The following HPSE2 variants were observed in gnomAD, a reference collection of about 807,000 sequenced individuals.
HPSE2 encodes inactive heparanase-2.
Under a neutral mutation model 60.5 loss-of-function variants are expected in HPSE2, and 38 were observed. That is an observed-to-expected ratio of 0.63 (90% confidence interval 0.48 to 0.82). The LOEUF (loss-of-function observed/expected upper bound fraction) is 0.82. Among genes scored for constraint, HPSE2 ranks in the 40% least tolerant of loss-of-function variants. The probability of loss-of-function intolerance (pLI) is 0.00; values close to 1 mark genes in which losing one functional copy is unlikely to be tolerated. For synonymous variants in HPSE2, 295 were observed against 293.2 expected (o/e 1.01, Z -0.06); for missense variants, 713 against 740.4 (o/e 0.96, Z 0.43).
chr10:98,901,828 T>C (rs932847391), intron 3 of HPSE2, among the ~76,000 whole-genome samples: 23 of 152,184 alleles, frequency 1.5e-4, no homozygotes, highest in African/African-American at 5.3e-4. Context: ...TAAATATTCA[T>C]AATAATAGCA....
chr10:98,582,120 C>T (rs1172175055), intron 9 of HPSE2, among the ~76,000 whole-genome samples: 1 of 152,142 alleles, frequency 6.6e-6, no homozygotes, highest in East Asian at 1.9e-4. Flanking sequence ...ATGATAGCAT[C>T]GTGATCTTAA....
At chr10:98,716,974 A>G (rs957232315) in intron 5 of HPSE2, among the ~76,000 whole-genome samples, 1 of 151,990 alleles carries the variant, frequency 6.6e-6, no homozygotes, top group African/African-American at 2.4e-5. Context: ...AGAGTTTCAG[A>G]TTTCCAAGAG....
intron 3 of HPSE2, among the ~76,000 whole-genome samples, chr10:98,842,028 G>C (rs1378301540): frequency 1.3e-5 from 2 of 152,018 alleles, no homozygotes; most frequent in Admixed American, 1.3e-4. Flanking sequence ...GGATGGTCTC[G>C]ATCTCCTGAC....
At chr10:98,874,600 A>C (rs1952822772) in intron 3 of HPSE2, among the ~76,000 whole-genome samples, 1 of 151,846 alleles carries the variant, frequency 6.6e-6, no homozygotes, top group African/African-American at 2.4e-5. Context: ...AATACTCTTT[A>C]TTTCTTTCTT....
intron 2 of HPSE2, among the ~76,000 whole-genome samples, chr10:99,171,641 C>T (rs1300042195): frequency 6.6e-6 from 1 of 152,126 alleles, no homozygotes; most frequent in Admixed American, 6.5e-5. Context: ...CATATTTGAC[C>T]ATTGAGCAGT....
chr10:98,759,662 T>TA (rs1162734068), intron 3 of HPSE2, among the ~76,000 whole-genome samples: 1 of 152,150 alleles, frequency 6.6e-6, no homozygotes, highest in Non-Finnish European at 1.5e-5. Context: ...TGTCTATTTT[T>TA]ATGCCAGAAC....
chr10:99,289,491 G>A, the HPSE2 span, among the ~76,000 whole-genome samples: 105 of 152,082 alleles, frequency 6.9e-4, no homozygotes, highest in African/African-American at 2.3e-3. Flanking sequence ...TTAGAATGCA[G>A]TTTATATTAT....
chr10:99,059,760 T>A (rs1037321774), intron 3 of HPSE2, among the ~76,000 whole-genome samples: 1 of 152,158 alleles, frequency 6.6e-6, no homozygotes, highest in African/African-American at 2.4e-5. Context: ...CAAATATTTT[T>A]AACAGTTCTC....
rs541050922 is a variant in HPSE2 at position 98,737,980 on chromosome 10, A to G, written c.784+5903T>C. Among the ~76,000 whole-genome samples the G allele has an allele frequency of 8.5e-5, 13 of 152,330 alleles. No individual in the cohort carries two copies. In the South Asian group the frequency reaches 2.7e-3, roughly 32 times the overall value. On this transcript the variant is annotated intron_variant, in intron 4 of 11. Transcript: ENST00000370552. ...CACAGAAGTAGAAAAAACTACTTTA[A>G]ATTTCATATTTCATATGGAAACAAA...
chr10:98,620,620 G>A lies in HPSE2; in HGVS notation c.1187C>T (p.Ser396Phe). 6.2e-7 allele frequency: 1 copy of A among 1,613,832 alleles called. No individual in the cohort carries two copies. Among genetic ancestry groups the A allele is most frequent in the Non-Finnish European group, 8.5e-7 (1 of 1,179,768 alleles). Residue 396 changes from serine to phenylalanine, a missense_variant, in exon 8 of 12, where the codon TCC (serine) becomes TTC (phenylalanine). Physicochemically the swap from Ser to Phe is radical, Grantham distance 155. Transcript: ENST00000370552. ...SAGGTNNLSD[S>F]YAAGFLWLNT... Reference sequence around the variant, plus strand: ...TACTCACAAGAATCCTGCAGCATAGGAATCGGATAGATTGTTTGTGCCTCC... The same window carrying A: ...TACTCACAAGAATCCTGCAGCATAGAAATCGGATAGATTGTTTGTGCCTCC...
At chr10:98,668,569 T>C (rs1225321837) in intron 6 of HPSE2, among the ~76,000 whole-genome samples, 1 of 152,056 alleles carries the variant, frequency 6.6e-6, no homozygotes, top group Non-Finnish European at 1.5e-5. Context: ...TTATAGACCA[T>C]TGTAACAGAA....
rs368037858 is a variant in HPSE2, at chr10:99,093,824, C to T, written c.610+50414G>A. 4.2e-4 allele frequency among the ~76,000 whole-genome samples: 64 copies of T among 152,258 alleles called. No individual in the cohort carries two copies. The East Asian group carries it at 7.7e-3, about 18-fold the overall frequency. ...AGCAGGCATGTAGAGAAAAAAACTG[C>T]CTCTTAATCTATTTTTATTTATCCC... On this transcript the variant is annotated intron_variant, in intron 3 of 11. Coordinates refer to ENST00000370552, the MANE Select transcript of HPSE2 (RefSeq NM_021828.5).
At chr10:99,017,425 G>C (rs1260963668) in intron 3 of HPSE2, among the ~76,000 whole-genome samples, 1 of 152,132 alleles carries the variant, frequency 6.6e-6, no homozygotes, top group East Asian at 1.9e-4. Flanking sequence ...AATTCGGTTT[G>C]CCAGTATTTT....
chr10:98,527,751 C>T (rs575168681), intron 9 of HPSE2, among the ~76,000 whole-genome samples: 44 of 152,124 alleles, frequency 2.9e-4, no homozygotes, highest in Non-Finnish European at 4.0e-4. Context: ...GCTATATTCC[C>T]GGAGCCTAGC....
At chr10:98,842,203 G>A (rs1358522710) in intron 3 of HPSE2, among the ~76,000 whole-genome samples, 1 of 152,190 alleles carries the variant, frequency 6.6e-6, no homozygotes, top group African/African-American at 2.4e-5. Context: ...TTGAGTATCT[G>A]TTATGAGCCA....
In HPSE2 at chr10:98,938,669, T is replaced by C. The variant is rs1387689943; in HGVS notation, c.611-194613A>G. 5.6e-5 allele frequency among the ~76,000 whole-genome samples: 8 copies of C among 143,872 alleles called. 2 individuals carry two copies. The highest frequency in any genetic ancestry group is 1.4e-4 in the Admixed American group (2 of 14,464). The allele number at this position is 143,872 out of a possible 152,430, so 94.4% of individuals were successfully genotyped here. A position where few individuals can be genotyped will look rare whatever the true frequency, so the allele number is the denominator to read the frequency against. On this transcript the variant is annotated intron_variant, in intron 3 of 11. Transcript: ENST00000370552. Reference sequence around the variant, plus strand: ...AAGTTGGAAAACCCTCTGCAGGATATTGTCCAGGAGAACTTCCCCAATCTA... The same window carrying C: ...AAGTTGGAAAACCCTCTGCAGGATACTGTCCAGGAGAACTTCCCCAATCTA...
chr10:99,099,197 C>T (rs891755056), intron 3 of HPSE2, among the ~76,000 whole-genome samples: 20 of 152,140 alleles, frequency 1.3e-4, no homozygotes, highest in East Asian at 1.9e-4. Context: ...CGCGAGGCAT[C>T]GCCTCACCCA....
intron 9 of HPSE2, among the ~76,000 whole-genome samples, chr10:98,505,985 G>A (rs1248924413): frequency 1.3e-5 from 2 of 151,762 alleles, no homozygotes; most frequent in African/African-American, 4.8e-5. Context: ...TTAATCGTTA[G>A]TCTTTGCTCA....
intron 9 of HPSE2, among the ~76,000 whole-genome samples, chr10:98,609,506 TAAGAA>T (rs1338180632): frequency 6.6e-6 from 1 of 152,182 alleles, no homozygotes; most frequent in Non-Finnish European, 1.5e-5. Context: ...AAAATTCACG[TAAGAA>T]AATAAAAACT....
Sources: gnomAD v4.1 joint callset for allele counts (sites outside exome capture counted in the v4.1 genomes callset) on GRCh38, gnomAD v4.1.1 for gene constraint, MANE v1.5 for transcripts, NCBI Gene and HGNC (gene_info 2026-07-23, HGNC 2026-07-21) for gene names.